HSP90AA1: variants seen among roughly 807,000 people sequenced by gnomAD.
HSP90AA1 encodes heat shock protein HSP 90-alpha.
In HSP90AA1, 18 loss-of-function variants were observed where a neutral mutation model predicts 73.3. The observed-to-expected ratio is 0.25, with a 90% CI of 0.17 to 0.36. HSP90AA1 has a LOEUF of 0.36. HSP90AA1 is among the 10% of genes least tolerant of loss of function. The pLI, the probability that HSP90AA1 is intolerant of heterozygous loss-of-function variation, is 1.00. For missense variants in HSP90AA1, 704 were observed against 874.2 expected, an observed-to-expected ratio of 0.81 and a Z score of 2.45; for synonymous variants, 477 against 296.9, an observed-to-expected ratio of 1.61 and a Z score of -6.24.
Position 102,084,941 on chromosome 14 carries a change from T to C in HSP90AA1, c.721A>G (p.Lys241Glu), listed in dbSNP as rs755948707. The change falls in exon 5 of 11, where the codon AAA (lysine) becomes GAA (glutamate). Residue 241 changes from lysine (K) to glutamate (E), a missense_variant. Coordinates refer to ENST00000216281, the MANE Select transcript of HSP90AA1 (RefSeq NM_005348.4). ...TCTTCTTTTTCTTTTTCTTCTTCTTTGTCTTCCTTTTCTTCAGCCTCATCA... is the reference window on the plus strand; with the variant it reads ...TCTTCTTTTTCTTTTTCTTCTTCTTCGTCTTCCTTTTCTTCAGCCTCATCA... ...SDDEAEEKED[K>E]EEEKEKEEKE... 6.3e-6 allele frequency: 10 copies of C among 1,593,304 alleles called. No individual in the cohort carries two copies. In the East Asian group the frequency reaches 7.1e-5, roughly 11 times the overall value.
chr14:102,082,740 C>A, intron 9 of HSP90AA1: 1 of 503,212 alleles, frequency 2.0e-6, no homozygotes, highest in South Asian at 2.1e-5. Flanking sequence ...CCTGCCTCAG[C>A]CTCCCAAGTG....
At chr14:102,096,588 C>T (rs540291839) in intron 2 of HSP90AA1, among the ~76,000 whole-genome samples, 34 of 152,334 alleles carry the variant, frequency 2.2e-4, no homozygotes, top group African/African-American at 6.0e-4. Context: ...CTGGATGCCT[C>T]CTCCACAGCT....
intron 2 of HSP90AA1, 38 bp downstream of exon 2, chr14:102,086,177 CTG>C (rs2049227872): frequency 1.1e-5 from 17 of 1,614,152 alleles, no homozygotes; most frequent in Non-Finnish European, 1.4e-5. Flanking sequence ...GAAGTTCACA[CTG>C]AAACCAAAAT....
chr14:102,122,678 T>C (rs2049793069), intron 1 of HSP90AA1, among the ~76,000 whole-genome samples: 2 of 151,768 alleles, frequency 1.3e-5, no homozygotes, highest in African/African-American at 4.8e-5. Context: ...TTTTTATATA[T>C]ATTTTTTGAG....
At chr14:102,084,033 G>C (rs1161489559) in intron 6 of HSP90AA1, 50 bp from the exon 7 acceptor site, 4 of 1,370,294 alleles carry the variant, frequency 2.9e-6, no homozygotes, top group Non-Finnish European at 4.2e-6. Context: ...GGACAAAACT[G>C]GTACTATGTA....
intron 1 of HSP90AA1, among the ~76,000 whole-genome samples, chr14:102,122,810 G>A (rs2049795819): frequency 2.0e-5 from 3 of 151,722 alleles, no homozygotes; most frequent in Non-Finnish European, 4.4e-5. Context: ...TGGGATTACA[G>A]GTGCCTGCCA....
intron 1 of HSP90AA1, 116 bp downstream of exon 1, chr14:102,086,870 C>T (rs2049253781): frequency 7.6e-6 from 4 of 528,000 alleles, no homozygotes; most frequent in Non-Finnish European, 9.7e-6. Flanking sequence ...CGCCCGGGAG[C>T]GCGGCCCTGG....
At chr14:102,101,905 A>C in exon 2 of HSP90AA1, 1 of 1,614,114 alleles carries the variant, frequency 6.2e-7, no homozygotes, top group Non-Finnish European at 8.5e-7. Context: ...ATGGCTGCAG[A>C]TCCTTGTAGA....
upstream of HSP90AA1, among the ~76,000 whole-genome samples, chr14:102,088,059 C>A (rs2049292710): frequency 6.6e-6 from 1 of 151,492 alleles, no homozygotes; most frequent in East Asian, 1.9e-4. Context: ...GTGATCCTCC[C>A]GCCTCAGCTT....
chr14:102,133,988 T>G (rs1022871421), intron 1 of HSP90AA1, among the ~76,000 whole-genome samples: 1 of 151,726 alleles, frequency 6.6e-6, no homozygotes, highest in Non-Finnish European at 1.5e-5. Flanking sequence ...ACATCTCTAC[T>G]AAAAATACAA....
At chr14:102,109,944 T>A (rs1445168643) in intron 1 of HSP90AA1, among the ~76,000 whole-genome samples, 2 of 151,982 alleles carry the variant, frequency 1.3e-5, no homozygotes, top group Admixed American at 6.6e-5. Flanking sequence ...GTTATTTTAT[T>A]TTTTTTTGAG....
intron 2 of HSP90AA1, among the ~76,000 whole-genome samples, chr14:102,100,504 C>G (rs1394726969): frequency 2.0e-5 from 3 of 150,226 alleles, no homozygotes; most frequent in African/African-American, 7.3e-5. Context: ...CAGCTCCCCA[C>G]AACCTCCGCC....
exon 1 of HSP90AA1, chr14:102,139,406 C>G: frequency 6.4e-7 from 1 of 1,557,238 alleles, no homozygotes; most frequent in Non-Finnish European, 8.7e-7. Flanking sequence ...CGGGGGCATC[C>G]GCGCTCCCCG....
chr14:102,121,670 AAT>A (rs572919615), intron 1 of HSP90AA1, among the ~76,000 whole-genome samples: 4 of 152,188 alleles, frequency 2.6e-5, no homozygotes, highest in Non-Finnish European at 4.4e-5. Context: ...GATAGTAAAA[AAT>A]AGTTTCAATT....
At chr14:102,093,219 A>G (rs2049381543) in intron 2 of HSP90AA1, among the ~76,000 whole-genome samples, 1 of 146,650 alleles carries the variant, frequency 6.8e-6, no homozygotes, top group African/African-American at 2.5e-5. Context: ...TATATATTTA[A>G]AAAAAAAAAG....
At chr14:102,114,168 T>C (rs2049678970) in intron 1 of HSP90AA1, among the ~76,000 whole-genome samples, 1 of 151,980 alleles carries the variant, frequency 6.6e-6, no homozygotes, top group African/African-American at 2.4e-5. Context: ...TTTTATATTT[T>C]TAGTAGAGAT....
chr14:102,109,858 T>C (rs2049615821), intron 1 of HSP90AA1, among the ~76,000 whole-genome samples: 1 of 152,178 alleles, frequency 6.6e-6, no homozygotes, highest in African/African-American at 2.4e-5. Flanking sequence ...GATGATGATA[T>C]GGACAATGAA....
intron 1 of HSP90AA1, among the ~76,000 whole-genome samples, chr14:102,130,213 C>A (rs2049891822): frequency 1.3e-5 from 2 of 152,128 alleles, no homozygotes; most frequent in Admixed American, 6.6e-5. Flanking sequence ...TCATGATCCA[C>A]CTGCCTCGGC....
upstream of HSP90AA1, among the ~76,000 whole-genome samples, chr14:102,089,290 C>T (rs1355136471): frequency 6.6e-6 from 1 of 152,188 alleles, no homozygotes; most frequent in Non-Finnish European, 1.5e-5. Flanking sequence ...GAACCTGCTC[C>T]AAAGCCCCTC....
Sources: allele counts gnomAD v4.1 joint callset (sites outside exome capture counted in the v4.1 genomes callset), GRCh38; gene constraint gnomAD v4.1.1; transcripts MANE v1.5; gene names NCBI Gene and HGNC (gene_info 2026-07-23, HGNC 2026-07-21).